Variants in TEK observed in about 807,000 individuals in gnomAD.
The protein encoded by TEK is TEK receptor tyrosine kinase.
A neutral mutation model predicts 131.8 loss-of-function variants in TEK; 43 were observed. The observed-to-expected ratio is 0.33, with a 90% confidence interval of 0.26 to 0.42. TEK has a LOEUF of 0.42. TEK is among the 10% of genes least tolerant of loss of function. The pLI is 1.00. For synonymous variants in TEK, 580 were observed against 491.6 expected (o/e 1.18, Z -2.38); for missense variants, 1,162 against 1,384.4 (o/e 0.84, Z 2.55).
intron 1 of TEK, among the ~76,000 whole-genome samples, chr9:27,129,116 C>G (rs1344533563): frequency 1.3e-5 from 2 of 152,116 alleles, no homozygotes; most frequent in African/African-American, 4.8e-5. Context: ...GTGGGTTTGT[C>G]ATAAATAGCT....
intron 18 of TEK, among the ~76,000 whole-genome samples, chr9:27,215,677 C>T (rs1276912329): frequency 6.6e-6 from 1 of 151,854 alleles, no homozygotes; most frequent in Admixed American, 6.6e-5. Context: ...TCCATCCCGT[C>T]ATCATGGATT....
chr9:27,180,916 C>G (rs1824344728), intron 7 of TEK, among the ~76,000 whole-genome samples: 1 of 152,000 alleles, frequency 6.6e-6, no homozygotes, highest in Admixed American at 6.6e-5. Flanking sequence ...TTATAATGTT[C>G]AACTTTTTAA....
intron 12 of TEK, among the ~76,000 whole-genome samples, chr9:27,198,902 A>G (rs889979182): frequency 9.9e-5 from 15 of 152,140 alleles, no homozygotes; most frequent in Admixed American, 3.9e-4. Flanking sequence ...GGCCCAAGCA[A>G]TCCTCCCACC....
chr9:27,229,339 A>AGCACATATGTACACT lies in TEK; in HGVS notation c.*107_*108insGCACATATGTACACT. The AGCACATATGTACACT allele has an allele frequency of 9.1e-7, 1 of 1,093,236 alleles. No individual in the cohort carries two copies. Among genetic ancestry groups the AGCACATATGTACACT allele is most frequent in the Non-Finnish European group, 1.4e-6 (1 of 712,028 alleles). The allele number at this position is 1,093,236 out of a possible 1,614,324, so 67.7% of individuals were successfully genotyped here. A position where few individuals can be genotyped will look rare whatever the true frequency, so the allele number is the denominator to read the frequency against. On this transcript the variant is annotated 3_prime_UTR_variant, in exon 23 of 23. Transcript: ENST00000380036. ...CAAAGGATGTGATATATAAGTGTACATATGTGCTGTACACCTGGGACCTTC... is the reference window on the plus strand; with the variant it reads ...CAAAGGATGTGATATATAAGTGTACAGCACATATGTACACTTATGTGCTGTACACCTGGGACCTTC...
rs375258266 is a variant in TEK at position 27,218,773 on chromosome 9, G to A, written c.3063-4G>A. The stretch of plus-strand genomic sequence containing the variant: ...TGTTGGTTTCACACTTGTCCCTCCT[G>A]CAGATGGTCCTATGGTGTGTTACTA... On this transcript the variant is annotated splice_region_variant and splice_polypyrimidine_tract_variant and intron_variant, in intron 19 of 22. Coordinates refer to ENST00000380036, the MANE Select transcript of TEK (RefSeq NM_000459.5). 2.0e-5 allele frequency: 32 copies of A among 1,613,880 alleles called. No individual in the cohort carries two copies. The African/African-American group carries it at 3.6e-4, about 18-fold the overall frequency.
intron 1 of TEK, among the ~76,000 whole-genome samples, chr9:27,112,629 T>C (rs1821391357): frequency 6.6e-6 from 1 of 152,174 alleles, no homozygotes; most frequent in Non-Finnish European, 1.5e-5. Flanking sequence ...CTCTAAATTC[T>C]TCTGAAATTA....
At chr9:27,155,487 A>G (rs949580696) in intron 1 of TEK, among the ~76,000 whole-genome samples, 7 of 152,222 alleles carry the variant, frequency 4.6e-5, no homozygotes, top group African/African-American at 1.7e-4. Flanking sequence ...TTGACTTTGA[A>G]ATTTTTCTTT....
chr9:27,220,188 CCCTGTGT>C, intron 21 of TEK, 43 bp downstream of exon 21: 1 of 1,598,486 alleles, frequency 6.3e-7, no homozygotes, highest in Non-Finnish European at 8.6e-7. Flanking sequence ...CTTACCTTCC[CCCTGTGT>C]GTTTCTGGGG....
At chr9:27,226,026 A>G (rs1011285760) in intron 21 of TEK, among the ~76,000 whole-genome samples, 3 of 152,250 alleles carry the variant, frequency 2.0e-5, no homozygotes, top group African/African-American at 7.2e-5. Context: ...CAAAACCACA[A>G]TGAGATGCCA....
At chr9:27,118,528 G>C (rs144194031) in intron 1 of TEK, among the ~76,000 whole-genome samples, 1 of 152,294 alleles carries the variant, frequency 6.6e-6, no homozygotes, top group East Asian at 1.9e-4. Context: ...CAGCAACCCG[G>C]GAGGCTGAGA....
chr9:27,218,143 C>T (rs1362182292), intron 19 of TEK, among the ~76,000 whole-genome samples: 1 of 136,942 alleles, frequency 7.3e-6, no homozygotes, highest in Non-Finnish European at 1.6e-5. Flanking sequence ...CGGGGGTCGT[C>T]TCTGCTTGCA....
At chr9:27,118,546 A>G (rs978642500) in intron 1 of TEK, among the ~76,000 whole-genome samples, 1 of 152,158 alleles carries the variant, frequency 6.6e-6, no homozygotes, top group African/African-American at 2.4e-5. Context: ...AGATAGATGG[A>G]TCGCTTTAGC....
At position 27,109,489 on chromosome 9, in the gene TEK, T is replaced by C; in HGVS notation, c.-102T>C. 1.7e-6 allele frequency: 2 copies of C among 1,176,032 alleles called. No homozygotes were observed. The highest frequency in any genetic ancestry group is 2.6e-6 in the Non-Finnish European group (2 of 780,484). The allele number at this position is 1,176,032 out of a possible 1,614,324, so 72.8% of individuals were successfully genotyped here. A position where few individuals can be genotyped will look rare whatever the true frequency, so the allele number is the denominator to read the frequency against. ...CCTCTAACTTGTAAACAAGACGTAG[T>C]AGGACGATGCTAATGGAAAGTCACA... On this transcript the variant is annotated 5_prime_UTR_variant, in exon 1 of 23. Coordinates refer to ENST00000380036, the MANE Select transcript of TEK (RefSeq NM_000459.5).
chr9:27,190,820 C>G (rs1370173295), intron 10 of TEK, 130 bp downstream of exon 10: 2 of 1,345,270 alleles, frequency 1.5e-6, no homozygotes, highest in East Asian at 4.7e-5. Flanking sequence ...GCAGAGGATT[C>G]TGTTTCAGAG....
intron 21 of TEK, among the ~76,000 whole-genome samples, chr9:27,222,950 TA>T (rs540152198): frequency 7.9e-5 from 12 of 151,076 alleles, no homozygotes; most frequent in African/African-American, 2.7e-4. Context: ...TAGAAAGCAA[TA>T]AAAAAAAGCA....
rs72614299 is a variant in TEK, at chr9:27,170,414, C to T, written c.628+785C>T. Among the ~76,000 whole-genome samples, 81 of 152,134 alleles carry T rather than the reference C, an allele frequency of 5.3e-4. No individual in the cohort carries two copies. In the East Asian group the frequency reaches 0.014, roughly 26 times the overall value. ...AGCACTTTGAGAGGCCCTTTGAGCTCAAGAGTTTGAGACCAGCCTGGGCAA... is the reference window on the plus strand; with the variant it reads ...AGCACTTTGAGAGGCCCTTTGAGCTTAAGAGTTTGAGACCAGCCTGGGCAA... On this transcript the variant is annotated intron_variant, in intron 4 of 22. Transcript: ENST00000380036.
intron 1 of TEK, among the ~76,000 whole-genome samples, chr9:27,144,619 G>C (rs942374719): frequency 6.6e-6 from 1 of 152,014 alleles, no homozygotes; most frequent in Non-Finnish European, 1.5e-5. Flanking sequence ...TTTTAATTGA[G>C]GCGAGGGAAT....
chr9:27,125,251 T>C (rs1821946135), intron 1 of TEK, among the ~76,000 whole-genome samples: 1 of 152,218 alleles, frequency 6.6e-6, no homozygotes. Flanking sequence ...TGGATACAGC[T>C]CTGACTGCTG....
Position 27,206,710 on chromosome 9 carries a change from G to A in TEK, c.2493G>A (p.Gly831=). ...WNDIKFQDVI[G]EGNFGQVLKA... ...ACATCAAATTTCAAGATGTGATTGG[G>A]GAGGGCAATTTTGGCCAAGTTCTTA... The change falls in exon 15 of 23, where the codon GGG becomes GGA. Residue 831 remains glycine (G), a synonymous_variant. Transcript: ENST00000380036. 1 of 1,614,128 alleles carries A rather than the reference G, an allele frequency of 6.2e-7. No individual in the cohort carries two copies.
Sources: gnomAD v4.1 joint callset for allele counts (sites outside exome capture counted in the v4.1 genomes callset) on GRCh38, gnomAD v4.1.1 for gene constraint, MANE v1.5 for transcripts, NCBI Gene and HGNC (gene_info 2026-07-23, HGNC 2026-07-21) for gene names.